The following ARHGAP26 variants were observed in gnomAD, a reference collection of about 807,000 sequenced individuals.
ARHGAP26 encodes the protein Rho GTPase activating protein 26, also known as rho GTPase-activating protein 26.
Under a neutral mutation model 104.8 loss-of-function variants are expected in ARHGAP26, and 38 were observed. The ratio of observed to expected loss-of-function variants is 0.36; its 90% confidence interval spans 0.28 to 0.48. The LOEUF is 0.48. Ranked by LOEUF, ARHGAP26 falls within the 20% of genes least tolerant of loss-of-function variation. The pLI is 0.99. For missense variants in ARHGAP26, 704 were observed against 947.9 expected, an observed-to-expected ratio of 0.74 and a Z score of 3.38; for synonymous variants, 341 against 340.0, an observed-to-expected ratio of 1.00 and a Z score of -0.03.
In ARHGAP26 at chr5:143,052,242, C is replaced by T. The variant is rs963406544; in HGVS notation, c.1286-2197C>T. On this transcript the variant is annotated intron_variant, in intron 14 of 22. Coordinates refer to ENST00000645722, the MANE Select transcript of ARHGAP26 (RefSeq NM_001135608.3). The stretch of plus-strand genomic sequence containing the variant: ...ATCCCAGCACTTTAGGAGGCCGAGG[C>T]GGGCGGATCTCGAGGTCAGGAGTTC... Among the ~76,000 whole-genome samples, 4 of 152,150 alleles carry T rather than the reference C, an allele frequency of 2.6e-5. No individual in the cohort carries two copies. The East Asian group carries it at 5.8e-4, about 22-fold the overall frequency.
At chr5:142,898,173 CAT>C (rs1234548960) in intron 6 of ARHGAP26, among the ~76,000 whole-genome samples, 2 of 108,764 alleles carry the variant, frequency 1.8e-5, no homozygotes, top group East Asian at 8.4e-4. Flanking sequence ...TACACACACA[CAT>C]ACACACACAC....
chr5:142,970,489 G>T (rs1562179358), intron 11 of ARHGAP26, among the ~76,000 whole-genome samples: 2 of 152,166 alleles, frequency 1.3e-5, no homozygotes, highest in Non-Finnish European at 2.9e-5. Context: ...ACTTCTGGCG[G>T]CTCCAACCTC....
intron 17 of ARHGAP26, among the ~76,000 whole-genome samples, chr5:143,115,635 C>G (rs1026402749): frequency 1.3e-5 from 2 of 152,084 alleles, no homozygotes; most frequent in African/African-American, 4.8e-5. Flanking sequence ...TCAGCACTAC[C>G]TCGACAGCCA....
chr5:143,099,092 A>C (rs1223693452), intron 17 of ARHGAP26, among the ~76,000 whole-genome samples: 1 of 152,232 alleles, frequency 6.6e-6, no homozygotes, highest in Non-Finnish European at 1.5e-5. Flanking sequence ...TCAACTTTTG[A>C]GATTATCTTT....
intron 5 of ARHGAP26, among the ~76,000 whole-genome samples, chr5:142,891,860 T>C (rs1758711261): frequency 6.6e-6 from 1 of 152,030 alleles, no homozygotes; most frequent in Non-Finnish European, 1.5e-5. Flanking sequence ...AAATATGCTT[T>C]CAGTGTAATT....
Position 143,222,969 on chromosome 5 carries a change from A to G in ARHGAP26, c.*523A>G. 1 of 233,276 alleles carries G rather than the reference A, an allele frequency of 4.3e-6. No homozygotes were observed. The highest frequency in any genetic ancestry group is 8.5e-6 in the Non-Finnish European group (1 of 117,856). 14.5% of individuals were successfully genotyped at this position (233,276 alleles called of 1,614,324 possible). A position where few individuals can be genotyped will look rare whatever the true frequency, so the allele number is the denominator to read the frequency against. On this transcript the variant is annotated 3_prime_UTR_variant, in exon 23 of 23. Coordinates refer to ENST00000645722, the MANE Select transcript of ARHGAP26 (RefSeq NM_001135608.3). Reference sequence around the variant, plus strand: ...GCAGCTGGATCTGTTTGCATGCAGGATGAAGAGGGTTAAAACACTGTTTAT... The same window carrying G: ...GCAGCTGGATCTGTTTGCATGCAGGGTGAAGAGGGTTAAAACACTGTTTAT...
At chr5:143,136,837 T>C (rs1022789152) in intron 19 of ARHGAP26, among the ~76,000 whole-genome samples, 2 of 152,274 alleles carry the variant, frequency 1.3e-5, no homozygotes, top group African/African-American at 4.8e-5. Flanking sequence ...CTGAATTTAC[T>C]GTTTGGCATT....
At position 142,991,314 on chromosome 5, in the gene ARHGAP26, G is replaced by A. The variant is rs559825285; in HGVS notation, c.1108-22766G>A. On this transcript the variant is annotated intron_variant, in intron 11 of 22. Transcript: ENST00000645722. ...GCCGTTTGCTAAGACCTTTGGAAAA[G>A]CGCAGTATTAGGGTGGGAGTGTCTC... Among the ~76,000 whole-genome samples the A allele has an allele frequency of 2.0e-4, 31 of 152,322 alleles. No homozygotes were observed. In the South Asian group the frequency reaches 6.4e-3, roughly 32 times the overall value.
intron 9 of ARHGAP26, among the ~76,000 whole-genome samples, chr5:142,912,511 A>G (rs1263750615): frequency 6.6e-6 from 1 of 152,210 alleles, no homozygotes; most frequent in Admixed American, 6.5e-5. Flanking sequence ...TGTATATGAC[A>G]TCAAAATCTA....
intron 14 of ARHGAP26, among the ~76,000 whole-genome samples, chr5:143,053,867 T>G (rs1785392998): frequency 6.6e-6 from 1 of 152,248 alleles, no homozygotes; most frequent in Non-Finnish European, 1.5e-5. Flanking sequence ...TTGTTTTTTT[T>G]TATTTGACAT....
chr5:143,154,207 G>A (rs1328117767), intron 20 of ARHGAP26, among the ~76,000 whole-genome samples: 1 of 150,190 alleles, frequency 6.7e-6, no homozygotes, highest in African/African-American at 2.5e-5. Flanking sequence ...ATATTCTAGT[G>A]GAGACAGGAG....
intron 17 of ARHGAP26, among the ~76,000 whole-genome samples, chr5:143,063,163 C>T (rs1185341626): frequency 6.6e-6 from 1 of 152,204 alleles, no homozygotes; most frequent in Non-Finnish European, 1.5e-5. Context: ...TTCTCCAGTC[C>T]TATCGGGCTT....
chr5:143,165,893 A>AGTAT (rs1172727602), intron 20 of ARHGAP26: 1 of 410,762 alleles, frequency 2.4e-6, no homozygotes, highest in African/African-American at 2.1e-5. Flanking sequence ...AAACAGTAGT[A>AGTAT]GTATCTACCT....
At position 142,990,953 on chromosome 5, in the gene ARHGAP26, A is replaced by G. The variant is rs371429264; in HGVS notation, c.1108-23127A>G. Among the ~76,000 whole-genome samples the G allele has an allele frequency of 7.2e-5, 11 of 152,272 alleles. No individual in the cohort carries two copies. The East Asian group carries it at 1.2e-3, about 16-fold the overall frequency. On this transcript the variant is annotated intron_variant, in intron 11 of 22. Transcript: ENST00000645722. ...GCAGTCTGTCCATTCTCAGATCTCA[A>G]ACTCCGTGTTGGGAGAACCACTACT... is the stretch of plus-strand genomic sequence containing the variant.
intron 1 of ARHGAP26, among the ~76,000 whole-genome samples, chr5:142,872,581 A>C (rs1039563675): frequency 4.6e-5 from 7 of 152,184 alleles, no homozygotes; most frequent in Admixed American, 4.6e-4. Flanking sequence ...CCCTTAAGAG[A>C]TGTTGAAGAC....
chr5:143,141,234 A>C (rs1359287494), intron 19 of ARHGAP26, among the ~76,000 whole-genome samples: 1 of 152,276 alleles, frequency 6.6e-6, no homozygotes, highest in African/African-American at 2.4e-5. Flanking sequence ...GCAGGAAAAA[A>C]GTTCCAGCTA....
chr5:143,122,047 T>C (rs1369561754), intron 18 of ARHGAP26, among the ~76,000 whole-genome samples: 1 of 152,192 alleles, frequency 6.6e-6, no homozygotes, highest in African/African-American at 2.4e-5. Context: ...CTTGTCTGAC[T>C]TTTTACAAGA....
intron 20 of ARHGAP26, among the ~76,000 whole-genome samples, chr5:143,189,019 A>G (rs1805533442): frequency 6.6e-6 from 1 of 152,222 alleles, no homozygotes; most frequent in Non-Finnish European, 1.5e-5. Context: ...CTTCATTGAA[A>G]AGGCAAGCAT....
chr5:143,142,941 T>A (rs961977690), intron 19 of ARHGAP26, among the ~76,000 whole-genome samples: 110 of 152,252 alleles, frequency 7.2e-4, no homozygotes, highest in African/African-American at 2.5e-3. Flanking sequence ...CTATTTTTTT[T>A]AATATAAATC....
Sources: allele counts gnomAD v4.1 joint callset (sites outside exome capture counted in the v4.1 genomes callset), GRCh38; gene constraint gnomAD v4.1.1; transcripts MANE v1.5; gene names NCBI Gene and HGNC (gene_info 2026-07-23, HGNC 2026-07-21).